DPP10: variants seen among roughly 807,000 people sequenced by gnomAD.
DPP10 encodes dipeptidyl peptidase like 10.
A neutral mutation model predicts 120.9 loss-of-function variants in DPP10; 33 were observed. That is an observed-to-expected ratio of 0.27 (90% CI 0.21 to 0.37). The LOEUF (loss-of-function observed/expected upper bound fraction) is 0.37. DPP10 is among the 10% of genes least tolerant of loss of function. The pLI, the probability that DPP10 is intolerant of heterozygous loss-of-function variation, is 1.00. For missense variants in DPP10, 816 were observed against 942.8 expected (o/e 0.87, Z 1.76); for synonymous variants, 337 against 326.1 (o/e 1.03, Z -0.36).
At chr2:115,651,512 G>T (rs1341978999) in intron 5 of DPP10, among the ~76,000 whole-genome samples, 3 of 152,024 alleles carry the variant, frequency 2.0e-5, no homozygotes, top group Admixed American at 6.6e-5. Context: ...TCAAGTAAAA[G>T]AATTCGAAAG....
At chr2:115,555,076 T>C (rs555032228) in intron 5 of DPP10, among the ~76,000 whole-genome samples, 4 of 152,178 alleles carry the variant, frequency 2.6e-5, no homozygotes, top group Admixed American at 1.3e-4. Flanking sequence ...TATAGCCTGA[T>C]GTCAGGATCT....
chr2:114,726,824 A>G (rs1319683218), intron 1 of DPP10, among the ~76,000 whole-genome samples: 1 of 152,256 alleles, frequency 6.6e-6, no homozygotes, highest in African/African-American at 2.4e-5. Context: ...GGAATATTTC[A>G]TAGAAAGTTG....
chr2:114,528,411 C>G (rs1339233084), intron 1 of DPP10, among the ~76,000 whole-genome samples: 1 of 152,112 alleles, frequency 6.6e-6, no homozygotes, highest in Non-Finnish European at 1.5e-5. Context: ...CAGGGTCTAG[C>G]TGCTCCACCC....
At chr2:114,711,011 C>G (rs940636111) in intron 1 of DPP10, among the ~76,000 whole-genome samples, 1 of 152,082 alleles carries the variant, frequency 6.6e-6, no homozygotes, top group African/African-American at 2.4e-5. Flanking sequence ...AAAACAAAAG[C>G]TGAACACAGT....
intron 3 of DPP10, among the ~76,000 whole-genome samples, chr2:115,434,616 AT>A (rs35898459): frequency 0.47 from 71,511 of 151,546 alleles, 19,306 homozygotes; most frequent in Non-Finnish European, 0.62. Flanking sequence ...TGTATATAAG[AT>A]TTAATGCTCC....
intron 1 of DPP10, among the ~76,000 whole-genome samples, chr2:115,045,739 T>G (rs1408272798): frequency 6.6e-6 from 1 of 152,112 alleles, no homozygotes; most frequent in Non-Finnish European, 1.5e-5. Flanking sequence ...TAAAACCAGG[T>G]ATTGTAATCA....
intron 1 of DPP10, among the ~76,000 whole-genome samples, chr2:115,142,833 C>A (rs1345208130): frequency 6.6e-6 from 1 of 152,268 alleles, no homozygotes; most frequent in Admixed American, 6.5e-5. Context: ...GCTCCTCTTT[C>A]GAAGCTGCCT....
intron 2 of DPP10, among the ~76,000 whole-genome samples, chr2:115,315,400 T>G (rs1235239966): frequency 6.6e-6 from 1 of 152,092 alleles, no homozygotes; most frequent in Non-Finnish European, 1.5e-5. Flanking sequence ...AAACTCAAAG[T>G]GAATTCATTC....
chr2:114,761,629 G>A (rs1332785546), intron 1 of DPP10, among the ~76,000 whole-genome samples: 1 of 151,836 alleles, frequency 6.6e-6, no homozygotes, highest in Non-Finnish European at 1.5e-5. Flanking sequence ...CAGGGGACTT[G>A]AGGAGCAGCG....
rs765526350 is a variant in DPP10, at chr2:115,003,427, A to G, written c.61-305812A>G. Among the ~76,000 whole-genome samples the G allele has an allele frequency of 3.5e-4, 53 of 152,122 alleles. 1 individual carries two copies. Among genetic ancestry groups the G allele is most frequent in the Middle Eastern group, 6.8e-3 (2 of 294 alleles). On this transcript the variant is annotated intron_variant, in intron 1 of 25. Transcript: ENST00000410059. The stretch of plus-strand genomic sequence containing the variant: ...CCTTATTGGGTACTATGCTCATTAC[A>G]TGGATGATGAAATAATATATACACG...
At chr2:115,598,157 T>C (rs1320045025) in intron 5 of DPP10, among the ~76,000 whole-genome samples, 1 of 152,016 alleles carries the variant, frequency 6.6e-6, no homozygotes, top group Non-Finnish European at 1.5e-5. Context: ...ATCTTTCCCT[T>C]TTGGATAGCA....
chr2:115,211,274 G>A (rs2056492419), intron 1 of DPP10, among the ~76,000 whole-genome samples: 1 of 144,636 alleles, frequency 6.9e-6, no homozygotes, highest in Admixed American at 7.0e-5. Context: ...TAGACTTTGT[G>A]TGGCCCAGAT....
At chr2:115,206,149 TGTTTTATGAA>T (rs2056108786) in intron 1 of DPP10, among the ~76,000 whole-genome samples, 1 of 152,236 alleles carries the variant, frequency 6.6e-6, no homozygotes, top group South Asian at 2.1e-4. Context: ...TATATGAATC[TGTTTTATGAA>T]CATACACCTA....
intron 5 of DPP10, among the ~76,000 whole-genome samples, chr2:115,608,629 A>T (rs1238647577): frequency 3.9e-5 from 6 of 152,166 alleles, no homozygotes; most frequent in African/African-American, 1.4e-4. Flanking sequence ...ACTATGTGAT[A>T]AGAAGTTCCA....
chr2:115,689,764 T>C (rs1203455202), intron 6 of DPP10, 25 bp downstream of exon 6: 1 of 1,606,928 alleles, frequency 6.2e-7, no homozygotes, highest in Non-Finnish European at 8.5e-7. Context: ...TTTCTAGTTT[T>C]CATGAGCAAT....
intron 21 of DPP10, among the ~76,000 whole-genome samples, chr2:115,831,732 C>A (rs550324730): frequency 3.9e-5 from 6 of 152,224 alleles, no homozygotes; most frequent in African/African-American, 1.4e-4. Context: ...GAGTATATTT[C>A]TTTTAAGAAG....
intron 3 of DPP10, among the ~76,000 whole-genome samples, chr2:115,471,462 C>T (rs1329911798): frequency 2.0e-5 from 3 of 152,096 alleles, no homozygotes; most frequent in Non-Finnish European, 4.4e-5. Flanking sequence ...AGTGATTGGC[C>T]CTTACCTTGC....
rs1331747818 is a variant in DPP10 at position 115,791,114 on chromosome 2, A to G, written c.1565A>G (p.Lys522Arg). The G allele has an allele frequency of 3.1e-6, 5 of 1,613,464 alleles. No homozygotes were observed. Among genetic ancestry groups the G allele is most frequent in the Non-Finnish European group, 4.2e-6 (5 of 1,179,734 alleles). ...YFILESNSML[K>R]EAILKKKIGK... ...ATATTGGAAAGCAATTCTATGCTGAAGGAAGCTATCCTGAAGAAGAAGATA... is the reference window on the plus strand; with the variant it reads ...ATATTGGAAAGCAATTCTATGCTGAGGGAAGCTATCCTGAAGAAGAAGATA... Residue 522 changes from lysine (K) to arginine (R), a missense_variant, in exon 18 of 26, where the codon AAG becomes AGG. By Grantham distance (26) the Lys-to-Arg change is conservative. This residue lies in a region of DPP10 where 592 missense variants were observed against 649.0 expected (regional missense o/e 0.91). Transcript: ENST00000410059.
intron 3 of DPP10, among the ~76,000 whole-genome samples, chr2:115,464,051 G>A (rs1218678370): frequency 1.3e-5 from 2 of 151,940 alleles, no homozygotes; most frequent in Non-Finnish European, 2.9e-5. Flanking sequence ...GGTGACATAG[G>A]CTCTCTGAAT....
Sources: allele counts gnomAD v4.1 joint callset (sites outside exome capture counted in the v4.1 genomes callset), GRCh38; gene constraint gnomAD v4.1.1; regional missense constraint gnomAD v4.1.1; transcripts MANE v1.5; gene names NCBI Gene and HGNC (gene_info 2026-07-23, HGNC 2026-07-21).